KIF1B: variants seen among roughly 807,000 people sequenced by gnomAD.
The protein encoded by KIF1B is kinesin family member 1B.
A neutral mutation model predicts 241.9 loss-of-function variants in KIF1B; 76 were observed. The observed-to-expected ratio is 0.31, with a 90% CI of 0.26 to 0.38. KIF1B has a LOEUF of 0.38. KIF1B is among the 10% of genes least tolerant of loss of function. KIF1B has a pLI of 1.00. For missense variants in KIF1B, 1,622 were observed against 2,271.4 expected (o/e 0.71, Z 5.81); for synonymous variants, 750 against 796.7 (o/e 0.94, Z 0.99).
rs573995194 is a variant in KIF1B at position 10,326,877 on chromosome 1, T to C, written c.2924+518T>C. Among the ~76,000 whole-genome samples the C allele has an allele frequency of 2.6e-5, 4 of 152,328 alleles. No individual in the cohort carries two copies. The South Asian group carries it at 6.2e-4, about 24-fold the overall frequency. ...AGAGTTAAATTTATTTTTTGCTTAG[T>C]CTACTGAATCCTAAAAAGAATCAGG... On this transcript the variant is annotated intron_variant, in intron 27 of 48. Transcript: ENST00000676179. This position sits in a 1 kb window ranked among gnomAD's most constrained non-coding sequence, Gnocchi z 5.2.
chr1:10,344,105 T>C (rs1182325625), intron 34 of KIF1B, among the ~76,000 whole-genome samples: 2 of 152,150 alleles, frequency 1.3e-5, no homozygotes, highest in African/African-American at 4.8e-5. Context: ...GAGAGAAAGA[T>C]TGAGCTGATT....
chr1:10,366,090 G>T (rs924286696), intron 43 of KIF1B, among the ~76,000 whole-genome samples: 1 of 152,000 alleles, frequency 6.6e-6, no homozygotes, highest in African/African-American at 2.4e-5. Flanking sequence ...AATTAGCCAG[G>T]CGTGGTGGCG....
Position 10,348,636 on chromosome 1 carries a change from C to T in KIF1B, c.3865-13C>T. 6.2e-7 allele frequency: 1 copy of T among 1,610,690 alleles called. No individual in the cohort carries two copies. Among genetic ancestry groups the T allele is most frequent in the Non-Finnish European group, 8.5e-7 (1 of 1,176,910 alleles). On this transcript the variant is annotated splice_polypyrimidine_tract_variant and intron_variant, in intron 36 of 48. Transcript: ENST00000676179. ...TTGCTTCAGCTAAATTGCAACCCTG[C>T]TTCATTACCTAGGGCATCCAGCGAA...
intron 2 of KIF1B, among the ~76,000 whole-genome samples, chr1:10,253,578 G>C (rs904064824): frequency 1.3e-5 from 2 of 152,152 alleles, no homozygotes; most frequent in Non-Finnish European, 2.9e-5. Context: ...AGGAGGTTGA[G>C]TCTGTAGTGA....
chr1:10,326,030 T>C lies in KIF1B; in HGVS notation c.2676-81T>C. 2 of 1,559,612 alleles carry C rather than the reference T, an allele frequency of 1.3e-6. No homozygotes were observed. The highest frequency in any genetic ancestry group is 1.8e-6 in the Non-Finnish European group (2 of 1,136,018). The stretch of plus-strand genomic sequence containing the variant: ...GTTGATTCCCCAGTGGATTCTGTCC[T>C]GTTAGCACCTATTGCTTCCTGTTTA... On this transcript the variant is annotated intron_variant, in intron 26 of 48. Coordinates refer to ENST00000676179, the MANE Select transcript of KIF1B (RefSeq NM_001365951.3). The surrounding 1 kb of genome is among the most constrained non-coding windows in gnomAD (Gnocchi z 5.2).
intron 43 of KIF1B, among the ~76,000 whole-genome samples, chr1:10,367,059 A>G (rs1426872550): frequency 2.0e-5 from 3 of 152,232 alleles, no homozygotes; most frequent in Admixed American, 1.3e-4. Flanking sequence ...CTTTATCTTT[A>G]TTACAGTAAT....
chr1:10,361,742 C>A lies in KIF1B; in HGVS notation c.4221C>A (p.Val1407=), dbSNP rs762919959. The change falls in exon 40 of 49, where the codon GTC becomes GTA. Residue 1407 remains valine, a synonymous_variant. Transcript: ENST00000676179. ...TCATCACCAAGGATGTGTGCATGGTCTTCTACTCCCGAGATGCCAAGATCT... is the reference window on the plus strand; with the variant it reads ...TCATCACCAAGGATGTGTGCATGGTATTCTACTCCCGAGATGCCAAGATCT... ...PAVITKDVCM[V]FYSRDAKISP... 10 of 1,614,042 alleles carry A rather than the reference C, an allele frequency of 6.2e-6. No homozygotes were observed. The Admixed American group carries it at 1.7e-4, about 27-fold the overall frequency.
chr1:10,319,954 C>G, intron 22 of KIF1B, 89 bp from the exon 23 acceptor site: 1 of 821,410 alleles, frequency 1.2e-6, no homozygotes, highest in Non-Finnish European at 2.1e-6. Context: ...TTTGCTTTCT[C>G]TACTTCCCCC....
chr1:10,277,274 T>C (rs1649167787), intron 12 of KIF1B, among the ~76,000 whole-genome samples: 1 of 151,146 alleles, frequency 6.6e-6, no homozygotes, highest in Admixed American at 6.6e-5. Flanking sequence ...AGTGAGACTC[T>C]GTCTCTTAAA....
rs1465768012 is a variant in KIF1B, at chr1:10,245,205, T to TA, written c.107-11039dup. ...GCCTTATTTTCTAGGGCTCAGTAATTAAAGTGTTATTTCTGCATCTTTATG... is the reference window on the plus strand; with the variant it reads ...GCCTTATTTTCTAGGGCTCAGTAATTAAAAGTGTTATTTCTGCATCTTTATG... On this transcript the variant is annotated intron_variant, in intron 2 of 48. Transcript: ENST00000676179. Among the ~76,000 whole-genome samples, 10 of 152,300 alleles carry TA rather than the reference T, an allele frequency of 6.6e-5. No homozygotes were observed. In the East Asian group the frequency reaches 9.6e-4, roughly 15 times the overall value.
At position 10,367,819 on chromosome 1, in the gene KIF1B, C is replaced by A. The variant is rs374191162; in HGVS notation, c.4753-648C>A. 6.1e-4 allele frequency among the ~76,000 whole-genome samples: 93 copies of A among 152,158 alleles called. 1 individual carries two copies. The highest frequency in any genetic ancestry group is 2.1e-3 in the African/African-American group (89 of 41,512). ...TCTCAGCTCACTGCAACCTCCACTT[C>A]CCGGGTTCAAGTGATTCTCCTTCCT... is the stretch of plus-strand genomic sequence containing the variant. On this transcript the variant is annotated intron_variant, in intron 43 of 48. Transcript: ENST00000676179.
At chr1:10,310,428 T>C (rs2102281030) in intron 22 of KIF1B, among the ~76,000 whole-genome samples, 1 of 151,718 alleles carries the variant, frequency 6.6e-6, no homozygotes, top group African/African-American at 2.4e-5. Context: ...TATTTTAGAC[T>C]TAGTGGACCA....
At position 10,321,897 on chromosome 1, in the gene KIF1B, C is replaced by T. The variant is rs200451636; in HGVS notation, c.2358+40C>T. On this transcript the variant is annotated intron_variant, in intron 24 of 48. Coordinates refer to ENST00000676179, the MANE Select transcript of KIF1B (RefSeq NM_001365951.3). ...GACACAGGAGAGCTGGAGGCAAAGC[C>T]GAGCCTGCTGTGGGTGCATCTGGGT... is the stretch of plus-strand genomic sequence containing the variant. 1.3e-4 allele frequency: 209 copies of T among 1,612,862 alleles called. 1 individual carries two copies. The East Asian group carries it at 3.1e-3, about 24-fold the overall frequency.
intron 16 of KIF1B, 36 bp from the exon 17 acceptor site, chr1:10,292,011 G>T (rs749731115): frequency 6.5e-7 from 1 of 1,538,626 alleles, no homozygotes; most frequent in South Asian, 1.1e-5. Flanking sequence ...TTGACATTTT[G>T]GTATTAGTGT....
intron 3 of KIF1B, among the ~76,000 whole-genome samples, chr1:10,257,727 G>A (rs1345294433): frequency 1.3e-5 from 2 of 151,958 alleles, no homozygotes; most frequent in Non-Finnish European, 2.9e-5. Flanking sequence ...CTAGGCTGGA[G>A]TGCAGTGGCA....
intron 41 of KIF1B, among the ~76,000 whole-genome samples, chr1:10,363,900 T>C (rs1020900132): frequency 3.8e-4 from 58 of 152,148 alleles, no homozygotes; most frequent in African/African-American, 1.4e-3. Flanking sequence ...TTACAGAATA[T>C]ACATGGAAAA....
intron 44 of KIF1B, 30 bp downstream of exon 44, chr1:10,368,568 G>A: frequency 6.3e-7 from 1 of 1,585,366 alleles, no homozygotes. Context: ...TTTTTAGCCA[G>A]TATGTTGATA....
chr1:10,334,740 G>A lies in KIF1B; in HGVS notation c.3043+102G>A. The A allele has an allele frequency of 5.6e-6, 5 of 889,104 alleles. No homozygotes were observed. The South Asian group carries it at 6.7e-5, about 12-fold the overall frequency. The allele number at this position is 889,104 out of a possible 1,614,324, so 55.1% of individuals were successfully genotyped here. ...CGCTTATATTACACATACAAACTGT[G>A]GGGAGTTTGTATGTGTAATATACAG... On this transcript the variant is annotated intron_variant, in intron 28 of 48. Coordinates refer to ENST00000676179, the MANE Select transcript of KIF1B (RefSeq NM_001365951.3).
intron 1 of KIF1B, among the ~76,000 whole-genome samples, chr1:10,219,261 G>C (rs1256576233): frequency 6.6e-6 from 1 of 151,714 alleles, no homozygotes; most frequent in Non-Finnish European, 1.5e-5. Flanking sequence ...GGGAGTTTGA[G>C]ACCAGCCTAA....
Sources: allele counts gnomAD v4.1 joint callset (sites outside exome capture counted in the v4.1 genomes callset), GRCh38; gene constraint gnomAD v4.1.1; non-coding constraint Gnocchi (gnomAD v3.1); transcripts MANE v1.5; gene names NCBI Gene and HGNC (gene_info 2026-07-23, HGNC 2026-07-21).